The following SI variants were observed in gnomAD, a reference collection of about 807,000 sequenced individuals.
SI encodes the protein sucrase-isomaltase, also known as sucrase-isomaltase, intestinal.
In SI, 235 loss-of-function variants were observed where a neutral mutation model predicts 253.3. That is an observed-to-expected ratio of 0.93 (90% CI 0.83 to 1.03). The LOEUF (loss-of-function observed/expected upper bound fraction) is 1.03, where lower values mean the gene tolerates loss of function less well. Ranked by LOEUF, SI falls within the 50% of genes least tolerant of loss-of-function variation. The pLI is 0.00. For missense variants in SI, 2,442 were observed against 2,211.1 expected, an observed-to-expected ratio of 1.10 and a Z score of -2.09; for synonymous variants, 819 against 712.0, an observed-to-expected ratio of 1.15 and a Z score of -2.39.
rs762628687 is a variant in SI at position 165,049,293 on chromosome 3, A to T, written c.1598-49T>A. ...ATTTCTTATATTTTTCCATTATAAA[A>T]GTTATATATTTTCCATCATAAATGT... On this transcript the variant is annotated intron_variant, in intron 14 of 47. Transcript: ENST00000264382. The T allele has an allele frequency of 2.8e-6, 3 of 1,055,448 alleles. No individual in the cohort carries two copies. The Admixed American group carries it at 5.6e-5, about 20-fold the overall frequency. 65.4% of individuals were successfully genotyped at this position (1,055,448 alleles called of 1,614,324 possible).
chr3:164,985,493 G>A (rs1385768101), intron 45 of SI, among the ~76,000 whole-genome samples: 1 of 152,128 alleles, frequency 6.6e-6, no homozygotes, highest in Non-Finnish European at 1.5e-5. Flanking sequence ...AAGTCTTGCT[G>A]TCTAGCATAT....
intron 26 of SI, among the ~76,000 whole-genome samples, chr3:165,022,747 C>A (rs1420009824): frequency 6.6e-6 from 1 of 151,534 alleles, no homozygotes; most frequent in Non-Finnish European, 1.5e-5. Context: ...TTAACAATTG[C>A]AAGGTGTTTA....
intron 26 of SI, among the ~76,000 whole-genome samples, chr3:165,022,731 T>A (rs2108186621): frequency 1.3e-5 from 2 of 151,864 alleles, no homozygotes; most frequent in Middle Eastern, 6.8e-3. Context: ...TACCCATTGC[T>A]GAATTTTAAC....
At chr3:165,063,192 A>G (rs1194189376) in intron 8 of SI, among the ~76,000 whole-genome samples, 1 of 152,150 alleles carries the variant, frequency 6.6e-6, no homozygotes, top group Non-Finnish European at 1.5e-5. Flanking sequence ...ATGTGTTTCA[A>G]CATTCCTTTG....
At position 165,032,556 on chromosome 3, in the gene SI, G is replaced by C; in HGVS notation, c.2702C>G (p.Ala901Gly). 1 of 1,608,778 alleles carries C rather than the reference G, an allele frequency of 6.2e-7. No individual in the cohort carries two copies. Among genetic ancestry groups the C allele is most frequent in the Non-Finnish European group, 8.5e-7 (1 of 1,176,616 alleles). ...RVAENNQPMN[A>G]HSNFTYDASN... ...AGCATCATAAGTGAAATTGGAATGAGCGTTCATTGGTTGATTATTTTCCGC... is the reference window on the plus strand; with the variant it reads ...AGCATCATAAGTGAAATTGGAATGACCGTTCATTGGTTGATTATTTTCCGC... The change falls in exon 24 of 48, where the codon GCT (alanine) becomes GGT (glycine). Residue 901 changes from alanine (A) to glycine (G), a missense_variant. Physicochemically the swap from Ala to Gly is moderately conservative, Grantham distance 60. Transcript: ENST00000264382.
chr3:165,080,745 C>A (rs887616016), upstream of SI, among the ~76,000 whole-genome samples: 2 of 151,804 alleles, frequency 1.3e-5, no homozygotes, highest in African/African-American at 4.8e-5. Context: ...CACACTGGGG[C>A]CTGTCATGAG....
rs765207613 is a variant in SI, at chr3:165,017,688, C to T, written c.3634-15G>A. 1 of 1,611,394 alleles carries T rather than the reference C, an allele frequency of 6.2e-7. No homozygotes were observed. The highest frequency in any genetic ancestry group is 8.5e-7 in the Non-Finnish European group (1 of 1,178,198). ...TGGCCAATTACCTTTAAAAAAAATT[C>T]ATGTGTGAACTAAGAGAATTACTTT... is the stretch of plus-strand genomic sequence containing the variant. On this transcript the variant is annotated splice_polypyrimidine_tract_variant and intron_variant, in intron 30 of 47. Transcript: ENST00000264382.
intron 38 of SI, among the ~76,000 whole-genome samples, chr3:164,998,298 A>C (rs763965852): frequency 2.6e-5 from 4 of 151,766 alleles, no homozygotes; most frequent in Non-Finnish European, 4.4e-5. Flanking sequence ...TCAGTAAGGA[A>C]ACTCAGGCCA....
chr3:164,994,550 C>T, intron 40 of SI, 145 bp from the exon 41 acceptor site: 1 of 761,538 alleles, frequency 1.3e-6, no homozygotes, highest in Non-Finnish European at 2.2e-6. Context: ...AAATCTTACA[C>T]AATAATATTT....
At chr3:165,043,294 A>G in intron 16 of SI, 119 bp from the exon 17 acceptor site, 1 of 692,366 alleles carries the variant, frequency 1.4e-6, no homozygotes. Flanking sequence ...TACTCCTTTT[A>G]TATATGCTTC....
chr3:164,980,741 T>A (rs779587294), intron 47 of SI, among the ~76,000 whole-genome samples: 8 of 152,040 alleles, frequency 5.3e-5, no homozygotes, highest in Non-Finnish European at 8.8e-5. Context: ...ATGGTTTGTT[T>A]TTATGCTACA....
intron 16 of SI, among the ~76,000 whole-genome samples, chr3:165,046,380 T>A (rs1713115593): frequency 7.8e-6 from 1 of 128,964 alleles, no homozygotes; most frequent in Non-Finnish European, 1.7e-5. Flanking sequence ...ACACATTTTC[T>A]CCACTTTTGA....
At chr3:165,076,976 T>C (rs1715027467) in intron 1 of SI, among the ~76,000 whole-genome samples, 5 of 148,918 alleles carry the variant, frequency 3.4e-5, no homozygotes. Context: ...AAATCACGGT[T>C]TGTTTTTTTT....
At chr3:164,982,139 T>G in intron 47 of SI, 104 bp downstream of exon 47, 1 of 815,596 alleles carries the variant, frequency 1.2e-6, no homozygotes. Context: ...AAGAATGTCA[T>G]AATTGACTCA....
intron 7 of SI, among the ~76,000 whole-genome samples, chr3:165,064,051 C>G (rs1714105224): frequency 6.6e-6 from 1 of 150,832 alleles, no homozygotes; most frequent in South Asian, 2.1e-4. Flanking sequence ...GCCTAGGTGA[C>G]AAAGTGAGAC....
At chr3:165,071,471 T>C (rs1159258237) in intron 3 of SI, among the ~76,000 whole-genome samples, 1 of 151,280 alleles carries the variant, frequency 6.6e-6, no homozygotes, top group African/African-American at 2.4e-5. Flanking sequence ...ATCATATATA[T>C]GTATATACAT....
At position 165,059,872 on chromosome 3, in the gene SI, A is replaced by G. The variant is rs559773789; in HGVS notation, c.1146+30T>C. On this transcript the variant is annotated intron_variant, in intron 10 of 47. Coordinates refer to ENST00000264382, the MANE Select transcript of SI (RefSeq NM_001041.4). ...TATGTGACAATATTTAACTTGATATATATTCCCACGGACCCTTTATTCTAC... is the reference window on the plus strand; with the variant it reads ...TATGTGACAATATTTAACTTGATATGTATTCCCACGGACCCTTTATTCTAC... 190 of 1,605,758 alleles carry G rather than the reference A, an allele frequency of 1.2e-4. 2 individuals carry two copies. The highest frequency in any genetic ancestry group is 9.6e-4 in the South Asian group (87 of 90,934).
intron 7 of SI, among the ~76,000 whole-genome samples, chr3:165,064,005 G>T (rs1272326305): frequency 6.6e-6 from 1 of 151,260 alleles, no homozygotes; most frequent in African/African-American, 2.4e-5. Context: ...AAGAGGCGGA[G>T]GTCGCAGTGA....
At chr3:165,078,228 A>C (rs1297512129) in intron 1 of SI, among the ~76,000 whole-genome samples, 1 of 151,540 alleles carries the variant, frequency 6.6e-6, no homozygotes, top group Non-Finnish European at 1.5e-5. Flanking sequence ...TGGGCCAAAA[A>C]AAATCCTGTA....
Sources: allele counts gnomAD v4.1 joint callset (sites outside exome capture counted in the v4.1 genomes callset), GRCh38; gene constraint gnomAD v4.1.1; transcripts MANE v1.5; gene names NCBI Gene and HGNC (gene_info 2026-07-23, HGNC 2026-07-21).